The following CNOT4 variants were observed in gnomAD, a reference collection of about 807,000 sequenced individuals.
CNOT4 encodes CCR4-NOT transcription complex subunit 4.
In CNOT4, 8 loss-of-function variants were observed where a neutral mutation model predicts 73.8. The ratio of observed to expected loss-of-function variants is 0.11; its 90% CI spans 0.06 to 0.20. The LOEUF (loss-of-function observed/expected upper bound fraction) is 0.20. Among genes scored for constraint, CNOT4 ranks in the 10% least tolerant of loss-of-function variants. The pLI is 1.00. For missense variants in CNOT4, 564 were observed against 883.4 expected, an observed-to-expected ratio of 0.64 and a Z score of 4.58; for synonymous variants, 293 against 321.1, an observed-to-expected ratio of 0.91 and a Z score of 0.94.
At chr7:135,460,779 G>A (rs531361874) in intron 1 of CNOT4, among the ~76,000 whole-genome samples, 10 of 152,162 alleles carry the variant, frequency 6.6e-5, no homozygotes, top group African/African-American at 2.4e-4. Flanking sequence ...TGAAAAAAAA[G>A]CAGTATCTAT....
intron 1 of CNOT4, among the ~76,000 whole-genome samples, chr7:135,463,848 A>C (rs868134422): frequency 3.9e-5 from 6 of 152,020 alleles, no homozygotes; most frequent in African/African-American, 1.4e-4. Flanking sequence ...AAAAACAAAC[A>C]ATCTCATTAA....
intron 1 of CNOT4, among the ~76,000 whole-genome samples, chr7:135,478,909 TGAAAA>T (rs1159312001): frequency 1.3e-5 from 2 of 152,118 alleles, no homozygotes; most frequent in Non-Finnish European, 2.9e-5. Flanking sequence ...TTAAAAGGAT[TGAAAA>T]GAAATCAGAA....
chr7:135,468,577 A>G (rs1009988877), intron 1 of CNOT4, among the ~76,000 whole-genome samples: 3 of 151,638 alleles, frequency 2.0e-5, no homozygotes, highest in Non-Finnish European at 4.4e-5. Flanking sequence ...GCTACTCAGG[A>G]GCCTGAGACA....
chr7:135,405,623 T>C (rs1797236290), intron 7 of CNOT4, among the ~76,000 whole-genome samples: 1 of 152,200 alleles, frequency 6.6e-6, no homozygotes, highest in South Asian at 2.1e-4. Flanking sequence ...CAAAACTCAT[T>C]AAGACTGATA....
chr7:135,472,428 GA>G (rs1281016333), intron 1 of CNOT4, among the ~76,000 whole-genome samples: 2 of 125,752 alleles, frequency 1.6e-5, no homozygotes, highest in African/African-American at 6.2e-5. Context: ...AGCGAGCAGA[GA>G]TCATGCCACT....
At chr7:135,442,811 A>C (rs1411720294) in intron 1 of CNOT4, among the ~76,000 whole-genome samples, 2 of 152,070 alleles carry the variant, frequency 1.3e-5, no homozygotes, top group Non-Finnish European at 2.9e-5. Flanking sequence ...TAATCCCAGC[A>C]CCTTGGGTGG....
At chr7:135,397,726 A>G (rs1016134338) in intron 8 of CNOT4, among the ~76,000 whole-genome samples, 1 of 152,144 alleles carries the variant, frequency 6.6e-6, no homozygotes, top group Non-Finnish European at 1.5e-5. Context: ...CTGGCTTATC[A>G]TTTCAAAGCT....
At chr7:135,379,130 AC>A (rs201356150) in intron 10 of CNOT4, among the ~76,000 whole-genome samples, 1,608 of 152,254 alleles carry the variant, frequency 0.011, 12 homozygotes, top group Middle Eastern at 0.031. Context: ...GGAGAAAGAA[AC>A]TTCTCCTTTG....
At chr7:135,396,002 G>T in intron 8 of CNOT4, 119 bp from the exon 9 acceptor site, 1 of 611,564 alleles carries the variant, frequency 1.6e-6, no homozygotes, top group Non-Finnish European at 2.8e-6. Flanking sequence ...ACTTGAAGAT[G>T]TTTTAATGAA....
intron 1 of CNOT4, among the ~76,000 whole-genome samples, chr7:135,438,737 G>A (rs1381493618): frequency 1.3e-5 from 2 of 152,162 alleles, no homozygotes; most frequent in Non-Finnish European, 2.9e-5. Context: ...ACTCTTAACT[G>A]TCTCATCTTT....
At chr7:135,424,091 A>T in intron 2 of CNOT4, among the ~76,000 whole-genome samples, 1 of 140,176 alleles carries the variant, frequency 7.1e-6, no homozygotes, top group East Asian at 2.1e-4. Context: ...ACACACACAC[A>T]TTTTTTATTA....
chr7:135,458,624 T>C (rs1800692077), intron 1 of CNOT4, among the ~76,000 whole-genome samples: 1 of 152,086 alleles, frequency 6.6e-6, no homozygotes, highest in Admixed American at 6.6e-5. Flanking sequence ...TTCTAAATCC[T>C]TTGTTGTCAT....
chr7:135,463,674 T>C (rs538500824), intron 1 of CNOT4, among the ~76,000 whole-genome samples: 4 of 150,294 alleles, frequency 2.7e-5, no homozygotes, highest in African/African-American at 7.3e-5. Flanking sequence ...AAAGCAAAAA[T>C]TGACAAGTGG....
At chr7:135,417,050 T>C (rs1415304025) in intron 3 of CNOT4, among the ~76,000 whole-genome samples, 1 of 152,226 alleles carries the variant, frequency 6.6e-6, no homozygotes, top group Non-Finnish European at 1.5e-5. Flanking sequence ...TGATGTTTCA[T>C]GGTACCTGAG....
chr7:135,472,636 T>C (rs1486601909), intron 1 of CNOT4, among the ~76,000 whole-genome samples: 1 of 141,506 alleles, frequency 7.1e-6, no homozygotes, highest in Non-Finnish European at 1.5e-5. Context: ...GAGATAATGA[T>C]TGGCTCCAAA....
rs183522712 is a variant in CNOT4, at chr7:135,387,697, C to T, written c.1627+6221G>A. On this transcript the variant is annotated intron_variant, in intron 10 of 11. Transcript: ENST00000541284. ...CTGAATCAGCTTTTGTCCACTGCTC[C>T]AAACTAAGTACAGTTTCTTTTCCTT... 22 of 984,960 alleles carry T rather than the reference C, an allele frequency of 2.2e-5. No homozygotes were observed. In the East Asian group the frequency reaches 2.0e-3, roughly 91 times the overall value. 61.0% of individuals were successfully genotyped at this position (984,960 alleles called of 1,614,324 possible).
chr7:135,448,245 T>C (rs1396853387), intron 1 of CNOT4, among the ~76,000 whole-genome samples: 2 of 152,030 alleles, frequency 1.3e-5, no homozygotes, highest in African/African-American at 4.8e-5. Context: ...TTACGAGCCA[T>C]GTAAAGAAAT....
intron 8 of CNOT4, among the ~76,000 whole-genome samples, chr7:135,397,246 T>C (rs1796743897): frequency 6.6e-6 from 1 of 152,140 alleles, no homozygotes; most frequent in Non-Finnish European, 1.5e-5. Context: ...CATGTGTATT[T>C]TTTTAAATGG....
Position 135,418,194 on chromosome 7 carries a change from C to T in CNOT4, c.373-2932G>A, listed in dbSNP as rs564985985. Among the ~76,000 whole-genome samples, 51 of 152,236 alleles carry T rather than the reference C, an allele frequency of 3.4e-4. 1 individual carries two copies. In the South Asian group the frequency reaches 0.01, roughly 31 times the overall value. On this transcript the variant is annotated intron_variant, in intron 3 of 11. Transcript: ENST00000541284. ...CAAGCGGTTGATAAGAAATAGGCTG[C>T]CCAGGCAAGGGAAAAACAATGAATT...
Sources: gnomAD v4.1 joint callset for allele counts (sites outside exome capture counted in the v4.1 genomes callset) on GRCh38, gnomAD v4.1.1 for gene constraint, MANE v1.5 for transcripts, NCBI Gene and HGNC (gene_info 2026-07-23, HGNC 2026-07-21) for gene names.